Variants in SUGCT observed in about 807,000 individuals in gnomAD.
SUGCT encodes succinyl-CoA:glutarate-CoA transferase, also known as succinyl-CoA:glutarate CoA-transferase.
SUGCT carries 41 observed loss-of-function variants against 55.0 expected under a neutral mutation model. The ratio of observed to expected loss-of-function variants is 0.74; its 90% CI spans 0.58 to 0.97. The LOEUF (loss-of-function observed/expected upper bound fraction) is 0.97. Among genes scored for constraint, SUGCT ranks in the 50% least tolerant of loss-of-function variants. SUGCT has a pLI of 0.00. For missense variants in SUGCT, 568 were observed against 547.8 expected (o/e 1.04, Z -0.37); for synonymous variants, 187 against 200.4 (o/e 0.93, Z 0.56).
intron 7 of SUGCT, among the ~76,000 whole-genome samples, chr7:40,250,228 T>G (rs1455345309): frequency 2.0e-5 from 3 of 151,972 alleles, no homozygotes; most frequent in Non-Finnish European, 2.9e-5. Context: ...CGAAACCCCA[T>G]GACTACAAAA....
chr7:40,475,859 A>G (rs2151478663), intron 11 of SUGCT, among the ~76,000 whole-genome samples: 1 of 152,286 alleles, frequency 6.6e-6, no homozygotes, highest in African/African-American at 2.4e-5. Flanking sequence ...GAACCCAAAT[A>G]ATTGATCTAT....
At chr7:40,452,398 G>C (rs184551541) in intron 10 of SUGCT, among the ~76,000 whole-genome samples, 5 of 152,236 alleles carry the variant, frequency 3.3e-5, no homozygotes, top group African/African-American at 1.2e-4. Context: ...CTATACATTG[G>C]TTCTCAATGT....
intron 9 of SUGCT, among the ~76,000 whole-genome samples, chr7:40,426,214 C>A (rs768944152): frequency 1.3e-5 from 2 of 152,066 alleles, no homozygotes; most frequent in African/African-American, 2.4e-5. Flanking sequence ...CCAAACAAGT[C>A]TTGGGGGTAC....
the SUGCT span, among the ~76,000 whole-genome samples, chr7:41,002,515 G>A: frequency 1.3e-5 from 2 of 152,154 alleles, no homozygotes; most frequent in African/African-American, 2.4e-5. Flanking sequence ...CGTTGCTTGG[G>A]AGAGCCTAAA....
At chr7:40,630,275 A>G (rs990377932) in intron 12 of SUGCT, among the ~76,000 whole-genome samples, 1 of 152,212 alleles carries the variant, frequency 6.6e-6, no homozygotes, top group African/African-American at 2.4e-5. Context: ...ATGAAGTCAC[A>G]ACACAGAGGG....
intron 9 of SUGCT, among the ~76,000 whole-genome samples, chr7:40,431,855 G>T (rs920772965): frequency 6.6e-6 from 1 of 151,992 alleles, no homozygotes; most frequent in Non-Finnish European, 1.5e-5. Context: ...GATAGTTTTT[G>T]TTTGTTGATT....
chr7:40,568,782 T>C (rs1181304891), intron 12 of SUGCT, among the ~76,000 whole-genome samples: 1 of 152,220 alleles, frequency 6.6e-6, no homozygotes, highest in Admixed American at 6.5e-5. Flanking sequence ...ATTTACATTT[T>C]ATAAAAGAAA....
intron 12 of SUGCT, among the ~76,000 whole-genome samples, chr7:40,503,234 A>G (rs1037520810): frequency 6.6e-5 from 10 of 152,164 alleles, no homozygotes; most frequent in Admixed American, 3.9e-4. Flanking sequence ...TCATGGCTGC[A>G]AACACTGAAT....
intron 9 of SUGCT, among the ~76,000 whole-genome samples, chr7:40,424,446 G>A (rs1265304406): frequency 6.6e-6 from 1 of 152,126 alleles, no homozygotes; most frequent in Non-Finnish European, 1.5e-5. Flanking sequence ...TGAAACATGA[G>A]AATAAATGAG....
At chr7:40,328,249 A>G (rs565991231) in intron 9 of SUGCT, among the ~76,000 whole-genome samples, 26 of 152,214 alleles carry the variant, frequency 1.7e-4, no homozygotes, top group Non-Finnish European at 3.5e-4. Context: ...ATCAGGTTGT[A>G]CATCTTTTGA....
intron 12 of SUGCT, among the ~76,000 whole-genome samples, chr7:40,691,482 T>C: frequency 6.6e-6 from 1 of 152,182 alleles, no homozygotes; most frequent in East Asian, 1.9e-4. Flanking sequence ...CAGGCCCAGC[T>C]TTCTGGTGAG....
At chr7:40,718,691 G>A (rs1753555987) in intron 12 of SUGCT, among the ~76,000 whole-genome samples, 1 of 152,102 alleles carries the variant, frequency 6.6e-6, no homozygotes, top group Non-Finnish European at 1.5e-5. Context: ...AGGTGTATAT[G>A]TAAACATTTA....
chr7:40,250,828 C>CTTCTTTTTTTTTT (rs1253390486), intron 7 of SUGCT, among the ~76,000 whole-genome samples: 9 of 121,266 alleles, frequency 7.4e-5, no homozygotes, highest in African/African-American at 3.3e-4. Context: ...TTTCACGCTT[C>CTTCTTTTTTTTTT]TTTTTTTTTT....
At chr7:40,568,163 T>C (rs1796249170) in intron 12 of SUGCT, among the ~76,000 whole-genome samples, 1 of 152,230 alleles carries the variant, frequency 6.6e-6, no homozygotes, top group Non-Finnish European at 1.5e-5. Context: ...CATGTCTCTC[T>C]GGACATAACG....
the SUGCT span, among the ~76,000 whole-genome samples, chr7:40,958,492 C>T: frequency 6.6e-6 from 1 of 151,748 alleles, no homozygotes; most frequent in Non-Finnish European, 1.5e-5. Context: ...AGTTCTCGTG[C>T]TGTGTTTTTC....
chr7:40,670,296 T>G (rs1268989984), intron 12 of SUGCT, among the ~76,000 whole-genome samples: 1 of 150,548 alleles, frequency 6.6e-6, no homozygotes, highest in Non-Finnish European at 1.5e-5. Context: ...AAGGAAGGTA[T>G]TAATAAAGGT....
intron 9 of SUGCT, among the ~76,000 whole-genome samples, chr7:40,433,003 T>C (rs1787983545): frequency 6.6e-6 from 1 of 152,152 alleles, no homozygotes; most frequent in South Asian, 2.1e-4. Context: ...CATTCTTTTT[T>C]CTTTTTGCTT....
chr7:40,905,778 G>A, the SUGCT span, among the ~76,000 whole-genome samples: 3 of 151,772 alleles, frequency 2.0e-5, no homozygotes, highest in South Asian at 4.2e-4. Flanking sequence ...GACTGCAGTG[G>A]TGCGATCATA....
chr7:40,827,040 T>G (rs892370469), intron 13 of SUGCT, among the ~76,000 whole-genome samples: 1 of 152,146 alleles, frequency 6.6e-6, no homozygotes, highest in South Asian at 2.1e-4. Context: ...TGTGCTTCAA[T>G]TTTTTTGTGG....
Sources: gnomAD v4.1 joint callset for allele counts (sites outside exome capture counted in the v4.1 genomes callset) on GRCh38, gnomAD v4.1.1 for gene constraint, MANE v1.5 for transcripts, NCBI Gene and HGNC (gene_info 2026-07-23, HGNC 2026-07-21) for gene names.